Variants in SH3GL1 observed in about 807,000 individuals in gnomAD.
The protein encoded by SH3GL1 is SH3 domain containing GRB2 like 1, endophilin A2.
In SH3GL1, 21 loss-of-function variants were observed where a neutral mutation model predicts 48.8. The observed-to-expected ratio is 0.43, with a 90% confidence interval of 0.30 to 0.62. The LOEUF is 0.62. Among genes scored for constraint, SH3GL1 ranks in the 20% least tolerant of loss-of-function variants. The pLI, the probability that SH3GL1 is intolerant of heterozygous loss-of-function variation, is 0.11. For missense variants in SH3GL1, 454 were observed against 503.0 expected (o/e 0.90, Z 0.93); for synonymous variants, 282 against 217.5 (o/e 1.30, Z -2.61).
Position 4,373,573 on chromosome 19 carries a change from G to GACCC in SH3GL1, c.46-6583_46-6580dup, listed in dbSNP as rs538993784. ...GATTGGGCACCCGGGGACAGCCACA[G>GACCC]ACCCACCTCTGTGGCGGGTCAGGCG... On this transcript the variant is annotated intron_variant, in intron 1 of 9. Coordinates refer to ENST00000269886, the MANE Select transcript of SH3GL1 (RefSeq NM_003025.4). Among the ~76,000 whole-genome samples the GACCC allele has an allele frequency of 2.2e-4, 34 of 152,364 alleles. No individual in the cohort carries two copies. The South Asian group carries it at 5.4e-3, about 24-fold the overall frequency.
At chr19:4,372,294 T>A (rs1599601338) in intron 1 of SH3GL1, among the ~76,000 whole-genome samples, 2 of 152,308 alleles carry the variant, frequency 1.3e-5, no homozygotes, top group South Asian at 2.1e-4. Flanking sequence ...AGGCACTCTG[T>A]GCCCGGCCCC....
intron 3 of SH3GL1, among the ~76,000 whole-genome samples, chr19:4,366,206 A>G (rs1972774582): frequency 6.6e-6 from 1 of 152,220 alleles, no homozygotes; most frequent in African/African-American, 2.4e-5. Context: ...AATGGATCCC[A>G]CAAGTAAGCT....
At position 4,361,645 on chromosome 19, in the gene SH3GL1, G is replaced by A. The variant is rs1972616422; in HGVS notation, c.1062C>T (p.Phe354=). ...GCACCTCCACGTAGCTGAGCGGGAAGAAGCCCGACTGGCCGTCCAGCATGC... is the reference window on the plus strand; with the variant it reads ...GCACCTCCACGTAGCTGAGCGGGAAAAAGCCCGACTGGCCGTCCAGCATGC... ...YEGMLDGQSG[F]FPLSYVEVLV... The change falls in exon 10 of 10, where the codon TTC becomes TTT. Residue 354 remains phenylalanine, a synonymous_variant. Transcript: ENST00000269886. 1 of 1,610,032 alleles carries A rather than the reference G, an allele frequency of 6.2e-7. No individual in the cohort carries two copies. Among genetic ancestry groups the A allele is most frequent in the East Asian group, 2.2e-5 (1 of 44,866 alleles).
intron 1 of SH3GL1, among the ~76,000 whole-genome samples, chr19:4,391,129 G>C (rs1040447795): frequency 6.6e-6 from 1 of 152,030 alleles, no homozygotes; most frequent in East Asian, 1.9e-4. Context: ...AAATGCAACA[G>C]ACACACACAC....
At chr19:4,377,080 C>A (rs911177516) in intron 1 of SH3GL1, among the ~76,000 whole-genome samples, 6 of 152,236 alleles carry the variant, frequency 3.9e-5, no homozygotes, top group Non-Finnish European at 7.3e-5. Flanking sequence ...CCATTCCCAG[C>A]CTGGAGCTGG....
At chr19:4,381,672 T>C in intron 1 of SH3GL1, among the ~76,000 whole-genome samples, 1 of 99,384 alleles carries the variant, frequency 1.0e-5, no homozygotes, top group East Asian at 3.6e-4. Flanking sequence ...CCCGCCTCTC[T>C]GTCACCCCCC....
intron 1 of SH3GL1, chr19:4,395,473 T>C (rs1973408555): frequency 6.6e-6 from 1 of 152,230 alleles, no homozygotes; most frequent in South Asian, 2.1e-4. Context: ...TCATCATATG[T>C]ACGGGAAATT....
In SH3GL1 at chr19:4,376,961, A is replaced by G. The variant is rs1291789144; in HGVS notation, c.46-9967T>C. Among the ~76,000 whole-genome samples, 2 of 151,476 alleles carry G rather than the reference A, an allele frequency of 1.3e-5. No individual in the cohort carries two copies. Among genetic ancestry groups the G allele is most frequent in the East Asian group, 1.9e-4 (1 of 5,154 alleles). On this transcript the variant is annotated intron_variant, in intron 1 of 9. Coordinates refer to ENST00000269886, the MANE Select transcript of SH3GL1 (RefSeq NM_003025.4). This position sits in a 1 kb window ranked among gnomAD's most constrained non-coding sequence, Gnocchi z 4.3. ...CAGCAGCTAAGCTCCGGGGGCAGCA[A>G]CTCCCCGCAGTGACCCGGAAGGCAG...
rs573301514 is a variant in SH3GL1, at chr19:4,377,665, T to C, written c.46-10671A>G. 7.1e-4 allele frequency among the ~76,000 whole-genome samples: 108 copies of C among 152,342 alleles called. 2 individuals are homozygous for C. In the South Asian group the frequency reaches 0.017, roughly 24 times the overall value. ...GGTGCCAGCAGCTGTCACCTTGCAG[T>C]GGCCACTCCTGCCCCCTCGCCAGGT... On this transcript the variant is annotated intron_variant, in intron 1 of 9. Transcript: ENST00000269886.
chr19:4,364,459 G>A, intron 4 of SH3GL1: 1 of 539,564 alleles, frequency 1.9e-6, no homozygotes, highest in South Asian at 2.0e-5. Flanking sequence ...TTGAGATGAA[G>A]TCTCGCTGTT....
intron 1 of SH3GL1, among the ~76,000 whole-genome samples, chr19:4,386,575 C>T (rs952268466): frequency 6.7e-6 from 1 of 149,196 alleles, no homozygotes. Context: ...CGGGCTCAAG[C>T]GCTCCTCCTG....
chr19:4,386,293 C>T (rs975146253), intron 1 of SH3GL1, among the ~76,000 whole-genome samples: 2 of 152,130 alleles, frequency 1.3e-5, no homozygotes, highest in African/African-American at 4.8e-5. Flanking sequence ...GCAGAAAGTT[C>T]CCAGAGCTTC....
chr19:4,399,720 A>G (rs1973487990), intron 1 of SH3GL1, among the ~76,000 whole-genome samples: 1 of 152,196 alleles, frequency 6.6e-6, no homozygotes, highest in Non-Finnish European at 1.5e-5. Context: ...TGAAAAACAC[A>G]GCACACAGGA....
chr19:4,382,330 TCACTG>T lies in SH3GL1; in HGVS notation c.46-15341_46-15337del, dbSNP rs995751395. 2.1e-5 allele frequency among the ~76,000 whole-genome samples: 3 copies of T among 139,776 alleles called. No individual in the cohort carries two copies. The East Asian group carries it at 6.7e-4, about 31-fold the overall frequency. The allele number at this position is 139,776 out of a possible 152,430, so 91.7% of individuals were successfully genotyped here. A position where few individuals can be genotyped will look rare whatever the true frequency, so the allele number is the denominator to read the frequency against. ...TGGAGTGCAGTGGCGCGATCTCGGC[TCACTG>T]CAAGCTCCGCCTCCCGGGTTCACGC... On this transcript the variant is annotated intron_variant, in intron 1 of 9. Transcript: ENST00000269886.
chr19:4,391,152 G>A (rs1973330847), intron 1 of SH3GL1, among the ~76,000 whole-genome samples: 1 of 152,086 alleles, frequency 6.6e-6, no homozygotes, highest in Non-Finnish European at 1.5e-5. Flanking sequence ...ACATCTGAGG[G>A]GCCCAGCTGC....
Position 4,361,011 on chromosome 19 carries a change from G to A in SH3GL1, c.*589C>T, listed in dbSNP as rs1332153311. The A allele has an allele frequency of 4.3e-6, 1 of 234,088 alleles. No homozygotes were observed. The highest frequency in any genetic ancestry group is 8.4e-6 in the Non-Finnish European group (1 of 118,768). The allele number at this position is 234,088 out of a possible 1,614,324, so 14.5% of individuals were successfully genotyped here. ...GGGCTGCAAGCTGACAGCAGGCCCGGGAGGCGGTGAGGCCCTCTGCCCTGG... is the reference window on the plus strand; with the variant it reads ...GGGCTGCAAGCTGACAGCAGGCCCGAGAGGCGGTGAGGCCCTCTGCCCTGG... On this transcript the variant is annotated 3_prime_UTR_variant, in exon 10 of 10. Transcript: ENST00000269886.
intron 4 of SH3GL1, 68 bp from the exon 5 acceptor site, chr19:4,364,289 C>G: frequency 6.3e-7 from 1 of 1,588,686 alleles, no homozygotes; most frequent in Admixed American, 1.7e-5. Flanking sequence ...CACTCCTCAG[C>G]CTTTGTTTTT....
At chr19:4,371,503 G>A (rs563693053) in intron 1 of SH3GL1, among the ~76,000 whole-genome samples, 4 of 152,352 alleles carry the variant, frequency 2.6e-5, no homozygotes, top group East Asian at 3.9e-4. Flanking sequence ...TGCCCGTCTC[G>A]GGCTTGGTGC....
At position 4,361,681 on chromosome 19, in the gene SH3GL1, G is replaced by A. The variant is rs200358904; in HGVS notation, c.1026C>T (p.Asn342=). The change falls in exon 10 of 10, where the codon AAC becomes AAT. Residue 342 remains asparagine (N), a synonymous_variant. Transcript: ENST00000269886. The part of the protein sequence containing the change: ...VITLTNQIDE[N]WYEGMLDGQS... ...GGCCGTCCAGCATGCCCTCGTACCA[G>A]TTCTCATCGATCTGGTTGGTCAGCG... 1 of 1,613,138 alleles carries A rather than the reference G, an allele frequency of 6.2e-7. No homozygotes were observed. Among genetic ancestry groups the A allele is most frequent in the East Asian group, 2.2e-5 (1 of 44,880 alleles).
Sources: allele counts gnomAD v4.1 joint callset (sites outside exome capture counted in the v4.1 genomes callset), GRCh38; gene constraint gnomAD v4.1.1; non-coding constraint Gnocchi (gnomAD v3.1); transcripts MANE v1.5; gene names NCBI Gene and HGNC (gene_info 2026-07-23, HGNC 2026-07-21).